Variants in CCSER1 observed in about 807,000 individuals in gnomAD.
CCSER1 encodes the protein coiled-coil serine rich protein 1, also known as serine-rich coiled-coil domain-containing protein 1.
CCSER1 carries 41 observed loss-of-function variants against 82.0 expected under a neutral mutation model. The observed-to-expected ratio is 0.50, with a 90% CI of 0.39 to 0.65. The LOEUF (loss-of-function observed/expected upper bound fraction) is 0.65. Among genes scored for constraint, CCSER1 ranks in the 30% least tolerant of loss-of-function variants. The pLI, the probability that CCSER1 is intolerant of heterozygous loss-of-function variation, is 0.00. For synonymous variants in CCSER1, 414 were observed against 383.9 expected (o/e 1.08, Z -0.92); for missense variants, 1,119 against 1,064.2 (o/e 1.05, Z -0.72).
chr4:91,489,658 C>T (rs150018998), intron 10 of CCSER1, among the ~76,000 whole-genome samples: 127 of 152,116 alleles, frequency 8.3e-4, no homozygotes, highest in African/African-American at 2.8e-3. Context: ...TGTGGTGGCA[C>T]GCACTTGTAA....
At chr4:90,944,319 A>G (rs1731975071) in intron 9 of CCSER1, among the ~76,000 whole-genome samples, 1 of 152,158 alleles carries the variant, frequency 6.6e-6, no homozygotes, top group African/African-American at 2.4e-5. Context: ...AAAAAAATCA[A>G]TGGTGAGCTA....
intron 5 of CCSER1, among the ~76,000 whole-genome samples, chr4:90,557,195 A>G (rs1778246194): frequency 6.6e-6 from 1 of 152,050 alleles, no homozygotes; most frequent in Non-Finnish European, 1.5e-5. Context: ...AATTTTCAAA[A>G]GTAAACTAAA....
intron 10 of CCSER1, among the ~76,000 whole-genome samples, chr4:91,268,815 T>G (rs1581875362): frequency 6.6e-6 from 1 of 152,184 alleles, no homozygotes; most frequent in Non-Finnish European, 1.5e-5. Flanking sequence ...AATCAATCAG[T>G]TAAGGTGGGG....
At chr4:91,485,203 A>G (rs922207060) in intron 10 of CCSER1, among the ~76,000 whole-genome samples, 1 of 152,156 alleles carries the variant, frequency 6.6e-6, no homozygotes, top group African/African-American at 2.4e-5. Context: ...GCACCAATTT[A>G]TCAACCTTGC....
intron 4 of CCSER1, among the ~76,000 whole-genome samples, chr4:90,410,618 A>C (rs1452426862): frequency 6.6e-6 from 1 of 152,200 alleles, no homozygotes; most frequent in Non-Finnish European, 1.5e-5. Context: ...TCTCTGGGAC[A>C]CATTCAAAGC....
chr4:91,475,469 C>T (rs1047836371), intron 10 of CCSER1, among the ~76,000 whole-genome samples: 1 of 151,718 alleles, frequency 6.6e-6, no homozygotes, highest in African/African-American at 2.4e-5. Context: ...TAAACTCTTA[C>T]CTTATATTCT....
At chr4:90,302,093 C>T (rs1733250375) in intron 1 of CCSER1, among the ~76,000 whole-genome samples, 1 of 152,076 alleles carries the variant, frequency 6.6e-6, no homozygotes, top group Non-Finnish European at 1.5e-5. Flanking sequence ...GGCAGTGAGA[C>T]AGAAAATATA....
chr4:90,960,353 T>C (rs1209945613), intron 9 of CCSER1, among the ~76,000 whole-genome samples: 1 of 152,182 alleles, frequency 6.6e-6, no homozygotes, highest in Non-Finnish European at 1.5e-5. Flanking sequence ...TTCTAACCTT[T>C]GCACCACTCC....
chr4:91,403,801 A>G (rs535655687), intron 10 of CCSER1, among the ~76,000 whole-genome samples: 1 of 152,208 alleles, frequency 6.6e-6, no homozygotes, highest in African/African-American at 2.4e-5. Flanking sequence ...GTTTGCCAGT[A>G]TTTTATTGAG....
intron 10 of CCSER1, among the ~76,000 whole-genome samples, chr4:91,148,985 T>C (rs1280687054): frequency 6.7e-6 from 1 of 149,394 alleles, no homozygotes; most frequent in Non-Finnish European, 1.5e-5. Flanking sequence ...TTTATAATCC[T>C]TTGGGTATAT....
intron 10 of CCSER1, among the ~76,000 whole-genome samples, chr4:91,454,065 G>T (rs777295160): frequency 6.6e-6 from 1 of 152,032 alleles, no homozygotes; most frequent in Non-Finnish European, 1.5e-5. Flanking sequence ...CATATACATG[G>T]TTTAACGTTC....
intron 10 of CCSER1, among the ~76,000 whole-genome samples, chr4:91,124,132 T>G (rs1727310358): frequency 6.6e-6 from 1 of 151,750 alleles, no homozygotes; most frequent in Non-Finnish European, 1.5e-5. Context: ...AAAATTAATG[T>G]ATTTTTCCCT....
chr4:91,363,135 AC>A (rs1366851601), intron 10 of CCSER1, among the ~76,000 whole-genome samples: 58 of 151,800 alleles, frequency 3.8e-4, no homozygotes, highest in African/African-American at 1.3e-3. Context: ...AAAACAAAAA[AC>A]AAAAACAAAA....
At chr4:90,366,819 C>G (rs1182170978) in intron 3 of CCSER1, among the ~76,000 whole-genome samples, 3 of 151,818 alleles carry the variant, frequency 2.0e-5, no homozygotes, top group Non-Finnish European at 4.4e-5. Flanking sequence ...AGTGGATATT[C>G]TTAGAAACCA....
At chr4:90,318,180 T>A (rs1422915020) in intron 3 of CCSER1, among the ~76,000 whole-genome samples, 1 of 152,246 alleles carries the variant, frequency 6.6e-6, no homozygotes, top group African/African-American at 2.4e-5. Context: ...AATTCATATA[T>A]ACTACAGGTT....
At chr4:90,582,499 A>AAATAATGAC (rs1176747285) in intron 5 of CCSER1, among the ~76,000 whole-genome samples, 1 of 152,258 alleles carries the variant, frequency 6.6e-6, no homozygotes, top group East Asian at 1.9e-4. Flanking sequence ...AAAGCAAATT[A>AAATAATGAC]AATAATGACT....
chr4:91,379,764 C>G (rs935998234), intron 10 of CCSER1, among the ~76,000 whole-genome samples: 5 of 152,130 alleles, frequency 3.3e-5, no homozygotes, highest in African/African-American at 1.2e-4. Flanking sequence ...CTGCTCTGAT[C>G]TTAGTTATTT....
chr4:90,493,395 G>C (rs1354478090), intron 5 of CCSER1, among the ~76,000 whole-genome samples: 1 of 152,054 alleles, frequency 6.6e-6, no homozygotes, highest in African/African-American at 2.4e-5. Context: ...CAACATTCAA[G>C]TTCAGGAAAT....
At chr4:90,968,377 A>G (rs1473511223) in intron 9 of CCSER1, among the ~76,000 whole-genome samples, 3 of 152,030 alleles carry the variant, frequency 2.0e-5, no homozygotes, top group Non-Finnish European at 4.4e-5. Flanking sequence ...CTTCCTTAGC[A>G]GGTGCTCCAT....
Sources: gnomAD v4.1 joint callset for allele counts (sites outside exome capture counted in the v4.1 genomes callset) on GRCh38, gnomAD v4.1.1 for gene constraint, MANE v1.5 for transcripts, NCBI Gene and HGNC (gene_info 2026-07-23, HGNC 2026-07-21) for gene names.